The following LHX9 variants were observed in gnomAD, a reference collection of about 807,000 sequenced individuals.
The protein encoded by LHX9 is LIM homeobox 9, also known as LIM/homeobox protein Lhx9.
In LHX9, 9 loss-of-function variants were observed where a neutral mutation model predicts 36.5. The observed-to-expected ratio is 0.25, with a 90% CI of 0.15 to 0.43. The LOEUF is 0.43. Ranked by LOEUF, LHX9 falls within the 20% of genes least tolerant of loss-of-function variation. LHX9 has a pLI of 1.00. For synonymous variants in LHX9, 211 were observed against 212.1 expected (o/e 0.99, Z 0.04); for missense variants, 464 against 526.4 (o/e 0.88, Z 1.16).
rs1280964091 is a variant in LHX9, at chr1:197,934,927, C to T, written c.*5668C>T. 6.6e-6 allele frequency: 1 copy of T among 151,402 alleles called. No homozygotes were observed. Among genetic ancestry groups the T allele is most frequent in the African/African-American group, 2.4e-5 (1 of 41,178 alleles). 9.4% of individuals were successfully genotyped at this position (151,402 alleles called of 1,614,324 possible). The stretch of plus-strand genomic sequence containing the variant: ...TAACTTAAAATATTATTTTAAATGC[C>T]CCTCTGGGAAGATTTCCGTTTTATT... On this transcript the variant is annotated 3_prime_UTR_variant, in exon 5 of 5. Coordinates refer to ENST00000367387, the MANE Select transcript of LHX9 (RefSeq NM_020204.3).
At position 197,917,823 on chromosome 1, in the gene LHX9, T is replaced by C. The variant is rs748050119; in HGVS notation, c.-1T>C. 5 of 1,614,048 alleles carry C rather than the reference T, an allele frequency of 3.1e-6. No homozygotes were observed. The highest frequency in any genetic ancestry group is 1.6e-4 in the Middle Eastern group (1 of 6,062). ...GAGCTGAAAGCCCCGGGCGTGTGTA[T>C]ATGGAAATAGTGGGGTGCCGAGCAG... On this transcript the variant is annotated 5_prime_UTR_variant, in exon 1 of 5. Transcript: ENST00000367387.
rs759013902 is a variant in LHX9, at chr1:197,917,777, C to T, written c.-47C>T. The T allele has an allele frequency of 3.8e-5, 62 of 1,613,806 alleles. No homozygotes were observed. The highest frequency in any genetic ancestry group is 5.0e-5 in the Non-Finnish European group (59 of 1,179,930). ...TCCTACAGGGCAGCCCTCTCTGGTC[C>T]CTTGCCTCCTTCACTCGGATGAGCT... On this transcript the variant is annotated 5_prime_UTR_variant, in exon 1 of 5. Coordinates refer to ENST00000367387, the MANE Select transcript of LHX9 (RefSeq NM_020204.3).
At chr1:197,916,429 G>C, upstream of LHX9, 1 of 529,176 alleles carries the variant, frequency 1.9e-6, no homozygotes, top group Non-Finnish European at 3.4e-6. Flanking sequence ...GCACGCGATG[G>C]GGCTAGCGCC....
At chr1:197,928,903 AAAGAAAG>A in intron 4 of LHX9, 92 bp from the exon 5 acceptor site, 1 of 1,347,418 alleles carries the variant, frequency 7.4e-7, no homozygotes, top group Non-Finnish European at 9.8e-7. Context: ...CAAAAAAAAA[AAAGAAAG>A]AAAGAAAAAG....
rs1368337187 is a variant in LHX9 at position 197,929,451 on chromosome 1, A to C, written c.*192A>C. ...TGAGTTTACAGTATTGTCTCCTTTA[A>C]GTGAATATATTTTGTCTACAAAGTG... On this transcript the variant is annotated 3_prime_UTR_variant, in exon 5 of 5. Transcript: ENST00000367387. 1 of 1,092,968 alleles carries C rather than the reference A, an allele frequency of 9.1e-7. No individual in the cohort carries two copies. The highest frequency in any genetic ancestry group is 1.1e-6 in the Non-Finnish European group (1 of 899,480). The allele number at this position is 1,092,968 out of a possible 1,614,324, so 67.7% of individuals were successfully genotyped here.
intron 4 of LHX9, 95 bp from the exon 5 acceptor site, chr1:197,928,907 A>G (rs1385460272): frequency 2.3e-6 from 3 of 1,292,924 alleles, no homozygotes; most frequent in Non-Finnish European, 3.0e-6. Flanking sequence ...AAAAAAAAAG[A>G]AAGAAAGAAA....
Position 197,929,316 on chromosome 1 carries a change from AATT to A in LHX9, c.*67_*69del, listed in dbSNP as rs1660257651. 1 of 1,182,428 alleles carries A rather than the reference AATT, an allele frequency of 8.5e-7. No individual in the cohort carries two copies. The highest frequency in any genetic ancestry group is 3.2e-5 in the East Asian group (1 of 31,204). The allele number at this position is 1,182,428 out of a possible 1,614,324, so 73.2% of individuals were successfully genotyped here. ...TTCCTCTTCTTTTTATTATTATTCT[AATT>A]ATTATTATTTTATTATTTACAAGAC... On this transcript the variant is annotated 3_prime_UTR_variant, in exon 5 of 5. Coordinates refer to ENST00000367387, the MANE Select transcript of LHX9 (RefSeq NM_020204.3).
intron 3 of LHX9, among the ~76,000 whole-genome samples, chr1:197,923,223 G>A (rs115311204): frequency 0.016 from 2,423 of 152,310 alleles, 61 homozygotes; most frequent in African/African-American, 0.055. Context: ...AGGACCTGCC[G>A]GCTCACTGCA....
Position 197,921,382 on chromosome 1 carries a change from T to C in LHX9, c.456T>C (p.Ser152=). Residue 152 remains serine, a synonymous_variant, in exon 3 of 5, where the codon TCT becomes TCC. Coordinates refer to ENST00000367387, the MANE Select transcript of LHX9 (RefSeq NM_020204.3). The surrounding 1 kb of genome is among the most constrained non-coding windows in gnomAD (Gnocchi z 4.6). ...AGATGGTCATGCGCGCCCGAGACTC[T>C]GTCTACCACCTGAGCTGCTTCACCT... The part of the protein sequence containing the change: ...ASEMVMRARD[S]VYHLSCFTCS... 2 of 1,614,196 alleles carry C rather than the reference T, an allele frequency of 1.2e-6. No individual in the cohort carries two copies. The highest frequency in any genetic ancestry group is 1.6e-4 in the Middle Eastern group (1 of 6,062).
At chr1:197,918,288 C>A in intron 1 of LHX9, 1 of 717,530 alleles carries the variant, frequency 1.4e-6, no homozygotes, top group South Asian at 1.5e-5. Flanking sequence ...CTTCTACAGA[C>A]CTCAAGGTTC....
At chr1:197,927,473 G>T in intron 3 of LHX9, 118 bp from the exon 4 acceptor site, 1 of 839,588 alleles carries the variant, frequency 1.2e-6, no homozygotes, top group East Asian at 2.4e-5. Flanking sequence ...TCATAATTGG[G>T]TTGACAACCT....
rs1337732314 is a variant in LHX9 at position 197,918,259 on chromosome 1, T to TG, written c.174+268dup. The TG allele has an allele frequency of 2.7e-5, 19 of 715,306 alleles. No homozygotes were observed. The African/African-American group carries it at 3.1e-4, about 12-fold the overall frequency. 44.3% of individuals were successfully genotyped at this position (715,306 alleles called of 1,614,324 possible). ...GGAGAGGAACTGGGAGGAGGTGGGA[T>TG]GGGGGGTGGTGGCATTCTCTTCTAC... On this transcript the variant is annotated intron_variant, in intron 1 of 4. Coordinates refer to ENST00000367387, the MANE Select transcript of LHX9 (RefSeq NM_020204.3).
chr1:197,928,307 A>G (rs1282737837), intron 4 of LHX9, among the ~76,000 whole-genome samples: 1 of 152,178 alleles, frequency 6.6e-6, no homozygotes. Flanking sequence ...ACAAACCATA[A>G]TTAGAAACAA....
In LHX9 at chr1:197,932,010, T is replaced by G; in HGVS notation, c.*2751T>G. ...AGAAGGGGAAAAGTTTGATCGGAAA[T>G]CCACTGCAGTGAAGACAAAGACACT... On this transcript the variant is annotated 3_prime_UTR_variant, in exon 5 of 5. Transcript: ENST00000367387. The G allele has an allele frequency of 1.4e-6, 2 of 1,446,650 alleles. No individual in the cohort carries two copies. Among genetic ancestry groups the G allele is most frequent in the Non-Finnish European group, 9.5e-7 (1 of 1,054,014 alleles). The allele number at this position is 1,446,650 out of a possible 1,614,324, so 89.6% of individuals were successfully genotyped here.
Position 197,932,135 on chromosome 1 carries a change from T to C in LHX9, c.*2876T>C. ...ATTTACTGAATGTTAACGAAACTTG[T>C]GTTCTTTATGGTGTCTAACACAACT... On this transcript the variant is annotated 3_prime_UTR_variant, in exon 5 of 5. Transcript: ENST00000367387. 1.8e-6 allele frequency: 1 copy of C among 558,550 alleles called. No individual in the cohort carries two copies. Among genetic ancestry groups the C allele is most frequent in the South Asian group, 3.1e-5 (1 of 31,960 alleles). The allele number at this position is 558,550 out of a possible 1,614,324, so 34.6% of individuals were successfully genotyped here.
At chr1:197,919,903 G>T (rs1659914302) in intron 1 of LHX9, 69 bp from the exon 2 acceptor site, 9 of 1,543,978 alleles carry the variant, frequency 5.8e-6, no homozygotes, top group South Asian at 1.2e-5. Flanking sequence ...GGTCTGCCTG[G>T]GGGAGAACCC....
chr1:197,931,753 AT>A lies in LHX9; in HGVS notation c.*2496del. On this transcript the variant is annotated 3_prime_UTR_variant, in exon 5 of 5. Coordinates refer to ENST00000367387, the MANE Select transcript of LHX9 (RefSeq NM_020204.3). The stretch of plus-strand genomic sequence containing the variant: ...TCCAATTTTTAGAATAAAAAGGCTA[AT>A]TAGCATATAAAGTAATTGCATGGAA... 3.9e-6 allele frequency: 2 copies of A among 509,022 alleles called. No homozygotes were observed. The highest frequency in any genetic ancestry group is 8.3e-5 in the South Asian group (2 of 24,148). 31.5% of individuals were successfully genotyped at this position (509,022 alleles called of 1,614,324 possible). A position where few individuals can be genotyped will look rare whatever the true frequency, so the allele number is the denominator to read the frequency against.
Position 197,931,843 on chromosome 1 carries a change from A to G in LHX9, c.*2584A>G. 1 of 975,378 alleles carries G rather than the reference A, an allele frequency of 1.0e-6. No homozygotes were observed. Among genetic ancestry groups the G allele is most frequent in the East Asian group, 2.6e-5 (1 of 38,158 alleles). The allele number at this position is 975,378 out of a possible 1,614,324, so 60.4% of individuals were successfully genotyped here. On this transcript the variant is annotated 3_prime_UTR_variant, in exon 5 of 5. Coordinates refer to ENST00000367387, the MANE Select transcript of LHX9 (RefSeq NM_020204.3). ...ATTGAGCACAAATGGATATTTGTAA[A>G]TCTAAATAGAAATTGCAGACCCCTA...
rs541974193 is a variant in LHX9 at position 197,931,317 on chromosome 1, G to C, written c.*2058G>C. On this transcript the variant is annotated 3_prime_UTR_variant, in exon 5 of 5. Coordinates refer to ENST00000367387, the MANE Select transcript of LHX9 (RefSeq NM_020204.3). Reference sequence around the variant, plus strand: ...TCAATAATCTTATATATTGAGCTTCGTGTTTATAGTACAGTAAGTGGTCTA... The same window carrying C: ...TCAATAATCTTATATATTGAGCTTCCTGTTTATAGTACAGTAAGTGGTCTA... 6.6e-6 allele frequency: 1 copy of C among 151,866 alleles called. No homozygotes were observed. Among genetic ancestry groups the C allele is most frequent in the South Asian group, 2.1e-4 (1 of 4,820 alleles). 9.4% of individuals were successfully genotyped at this position (151,866 alleles called of 1,614,324 possible).
Sources: gnomAD v4.1 joint callset for allele counts (sites outside exome capture counted in the v4.1 genomes callset) on GRCh38, gnomAD v4.1.1 for gene constraint, Gnocchi (gnomAD v3.1) non-coding constraint, MANE v1.5 for transcripts, NCBI Gene and HGNC (gene_info 2026-07-23, HGNC 2026-07-21) for gene names.